The following BCAS3 variants were observed in gnomAD, a reference collection of about 807,000 sequenced individuals.
BCAS3 encodes the protein BCAS4/BCAS3 fusion.
BCAS3 carries 53 observed loss-of-function variants against 116.1 expected under a neutral mutation model. That is an observed-to-expected ratio of 0.46 (90% CI 0.37 to 0.57). The LOEUF is 0.57. Ranked by LOEUF, BCAS3 falls within the 20% of genes least tolerant of loss-of-function variation. The probability of loss-of-function intolerance (pLI) is 0.00; values close to 1 mark genes in which losing one functional copy is unlikely to be tolerated. For missense variants in BCAS3, 917 were observed against 1,165.4 expected (o/e 0.79, Z 3.10); for synonymous variants, 391 against 408.2 (o/e 0.96, Z 0.51).
At chr17:60,987,572 C>G (rs1196633554) in intron 14 of BCAS3, among the ~76,000 whole-genome samples, 1 of 151,300 alleles carries the variant, frequency 6.6e-6, no homozygotes, top group Non-Finnish European at 1.5e-5. Flanking sequence ...TTGTTAATCG[C>G]TAGTTATTTA....
chr17:60,686,587 A>G (rs540212603), intron 3 of BCAS3, among the ~76,000 whole-genome samples: 1 of 151,848 alleles, frequency 6.6e-6, no homozygotes, highest in Non-Finnish European at 1.5e-5. Flanking sequence ...GTGCAATGGC[A>G]TAATCTCGGC....
At chr17:60,712,552 G>T (rs1175566281) in intron 5 of BCAS3, among the ~76,000 whole-genome samples, 1 of 152,162 alleles carries the variant, frequency 6.6e-6, no homozygotes, top group African/African-American at 2.4e-5. Context: ...TTTAAACCTA[G>T]TTCTGTCTGA....
chr17:60,766,441 G>A (rs2044101703), intron 6 of BCAS3, among the ~76,000 whole-genome samples: 1 of 152,170 alleles, frequency 6.6e-6, no homozygotes, highest in South Asian at 2.1e-4. Context: ...CCTTCTAACA[G>A]TCAGGTCCCT....
chr17:60,872,315 A>G lies in BCAS3; in HGVS notation c.585-2347A>G, dbSNP rs2076136320. 4.6e-5 allele frequency among the ~76,000 whole-genome samples: 7 copies of G among 151,804 alleles called. No homozygotes were observed. The South Asian group carries it at 1.2e-3, about 27-fold the overall frequency. On this transcript the variant is annotated intron_variant, in intron 8 of 23. Coordinates refer to ENST00000407086, the MANE Select transcript of BCAS3 (RefSeq NM_017679.5). ...TGTGTATGTGTGTATATGTACTTAT[A>G]TGTATATCTGTATGTATATGCACAC...
intron 7 of BCAS3, among the ~76,000 whole-genome samples, chr17:60,858,997 CTTTA>C (rs1249386025): frequency 1.3e-5 from 2 of 151,960 alleles, no homozygotes; most frequent in African/African-American, 4.8e-5. Context: ...TTATGAACAC[CTTTA>C]TTTTTTATTT....
At chr17:61,170,017 G>A (rs79098060) in intron 22 of BCAS3, among the ~76,000 whole-genome samples, 1 of 151,908 alleles carries the variant, frequency 6.6e-6, no homozygotes, top group African/African-American at 2.4e-5. Context: ...ACCTCGCCTG[G>A]CTGATTTTTG....
At chr17:61,190,403 T>G (rs1320217346) in intron 22 of BCAS3, among the ~76,000 whole-genome samples, 1 of 151,182 alleles carries the variant, frequency 6.6e-6, no homozygotes, top group African/African-American at 2.4e-5. Flanking sequence ...TGTGTGCACC[T>G]GTAATCCCAG....
At chr17:60,958,344 G>A (rs368331406) in intron 14 of BCAS3, among the ~76,000 whole-genome samples, 3 of 151,990 alleles carry the variant, frequency 2.0e-5, no homozygotes, top group East Asian at 1.9e-4. Context: ...AAAAACTAAA[G>A]GATTTTATTT....
chr17:60,832,818 C>A (rs956071252), intron 7 of BCAS3, among the ~76,000 whole-genome samples: 2 of 152,088 alleles, frequency 1.3e-5, no homozygotes, highest in Admixed American at 1.3e-4. Flanking sequence ...ATTATTAGTT[C>A]TCCATCTGAG....
intron 7 of BCAS3, among the ~76,000 whole-genome samples, chr17:60,852,234 G>A (rs1477377060): frequency 6.6e-6 from 1 of 151,964 alleles, no homozygotes; most frequent in African/African-American, 2.4e-5. Flanking sequence ...CTGCACCCAT[G>A]TTGTTTTTTA....
rs554361834 is a variant in BCAS3 at position 60,704,181 on chromosome 17, A to AG, written c.215-5036dup. Among the ~76,000 whole-genome samples, 807 of 152,290 alleles carry AG rather than the reference A, an allele frequency of 5.3e-3. 5 individuals carry two copies. Among genetic ancestry groups the AG allele is most frequent in the African/African-American group, 0.019 (782 of 41,564 alleles). On this transcript the variant is annotated intron_variant, in intron 4 of 23. Coordinates refer to ENST00000407086, the MANE Select transcript of BCAS3 (RefSeq NM_017679.5). The stretch of plus-strand genomic sequence containing the variant: ...CCAGATACCATTAAGAAAATCATTG[A>AG]GGAGAAAGGTTATCTGCCTGAACGA...
Position 61,105,289 on chromosome 17 carries a change from A to G in BCAS3, c.2425+20725A>G, listed in dbSNP as rs1400434357. The stretch of plus-strand genomic sequence containing the variant: ...CAGACCTTTAATTTCTTTAAACTAA[A>G]TGATCACAGAAAAACCTAGGAGGAG... On this transcript the variant is annotated intron_variant, in intron 22 of 23. Coordinates refer to ENST00000407086, the MANE Select transcript of BCAS3 (RefSeq NM_017679.5). The surrounding 1 kb of genome is among the most constrained non-coding windows in gnomAD (Gnocchi z 4.3). Among the ~76,000 whole-genome samples, 3 of 152,186 alleles carry G rather than the reference A, an allele frequency of 2.0e-5. No individual in the cohort carries two copies. Among genetic ancestry groups the G allele is most frequent in the Non-Finnish European group, 4.4e-5 (3 of 68,032 alleles).
chr17:60,727,544 C>A (rs918995971), intron 5 of BCAS3: 51 of 1,207,428 alleles, frequency 4.2e-5, no homozygotes, highest in Non-Finnish European at 5.6e-5. Context: ...GAGACTCTCG[C>A]CTCGCAAAGC....
intron 14 of BCAS3, among the ~76,000 whole-genome samples, chr17:60,947,810 A>G (rs959243009): frequency 1.3e-5 from 2 of 152,218 alleles, no homozygotes; most frequent in African/African-American, 4.8e-5. Flanking sequence ...AGTGGAGGCT[A>G]GTGAGAACCA....
intron 6 of BCAS3, among the ~76,000 whole-genome samples, chr17:60,806,305 G>A (rs1475833739): frequency 2.6e-5 from 4 of 152,162 alleles, no homozygotes; most frequent in African/African-American, 4.8e-5. Flanking sequence ...CACATCTCTG[G>A]TGATTAAAAT....
At position 61,136,206 on chromosome 17, in the gene BCAS3, G is replaced by C. The variant is rs2076627085; in HGVS notation, c.2425+51642G>C. Among the ~76,000 whole-genome samples the C allele has an allele frequency of 6.6e-6, 1 of 152,108 alleles. No homozygotes were observed. Among genetic ancestry groups the C allele is most frequent in the East Asian group, 1.9e-4 (1 of 5,200 alleles). On this transcript the variant is annotated intron_variant, in intron 22 of 23. Transcript: ENST00000407086. The surrounding 1 kb of genome is among the most constrained non-coding windows in gnomAD (Gnocchi z 4.4). Reference sequence around the variant, plus strand: ...ACATAAAATCATTTCTTTCCATCCTGAGTACCCATGGCAAGCTCCTATCTT... The same window carrying C: ...ACATAAAATCATTTCTTTCCATCCTCAGTACCCATGGCAAGCTCCTATCTT...
intron 15 of BCAS3, among the ~76,000 whole-genome samples, chr17:61,014,288 A>G (rs1315040161): frequency 1.3e-5 from 2 of 152,120 alleles, no homozygotes; most frequent in South Asian, 2.1e-4. Flanking sequence ...GGTAATTTTT[A>G]TAGTTTCTCT....
At position 61,128,280 on chromosome 17, in the gene BCAS3, G is replaced by T. The variant is rs1444970048; in HGVS notation, c.2425+43716G>T. 2 of 985,404 alleles carry T rather than the reference G, an allele frequency of 2.0e-6. No individual in the cohort carries two copies. Among genetic ancestry groups the T allele is most frequent in the Non-Finnish European group, 1.2e-6 (1 of 829,920 alleles). The allele number at this position is 985,404 out of a possible 1,614,324, so 61.0% of individuals were successfully genotyped here. A position where few individuals can be genotyped will look rare whatever the true frequency, so the allele number is the denominator to read the frequency against. ...CCGTGTTAGGCTTTGACTTAAATCAGATTTCATCTACGGCTGAGATGCAGA... is the reference window on the plus strand; with the variant it reads ...CCGTGTTAGGCTTTGACTTAAATCATATTTCATCTACGGCTGAGATGCAGA... On this transcript the variant is annotated intron_variant, in intron 22 of 23. Transcript: ENST00000407086. The surrounding 1 kb of genome is among the most constrained non-coding windows in gnomAD (Gnocchi z 4.1).
intron 2 of BCAS3, among the ~76,000 whole-genome samples, chr17:60,683,648 A>G (rs1438671557): frequency 1.3e-5 from 2 of 150,282 alleles, no homozygotes; most frequent in Non-Finnish European, 3.0e-5. Context: ...CCTGGGCAAC[A>G]TGGTGAAACA....
Sources: allele counts gnomAD v4.1 joint callset (sites outside exome capture counted in the v4.1 genomes callset), GRCh38; gene constraint gnomAD v4.1.1; non-coding constraint Gnocchi (gnomAD v3.1); transcripts MANE v1.5; gene names NCBI Gene and HGNC (gene_info 2026-07-23, HGNC 2026-07-21).